The following PDCD2L variants were observed in gnomAD, a reference collection of about 807,000 sequenced individuals.
PDCD2L encodes programmed cell death 2 like, also known as uS5 assembly chaperone PDCD2L.
PDCD2L carries 44 observed loss-of-function variants against 40.4 expected under a neutral mutation model. The ratio of observed to expected loss-of-function variants is 1.09; its 90% CI spans 0.86 to 1.40. The LOEUF is 1.40. PDCD2L is among the 40% of genes most tolerant of loss of function. PDCD2L has a pLI of 0.00. For missense variants in PDCD2L, 470 were observed against 453.7 expected, an observed-to-expected ratio of 1.04 and a Z score of -0.33; for synonymous variants, 194 against 174.6, an observed-to-expected ratio of 1.11 and a Z score of -0.88.
At chr19:34,413,099 C>T (rs998952939) in intron 4 of PDCD2L, among the ~76,000 whole-genome samples, 1 of 151,676 alleles carries the variant, frequency 6.6e-6, no homozygotes, top group Non-Finnish European at 1.5e-5. Context: ...AGTGCAATAG[C>T]GCAATCTTGG....
At chr19:34,420,099 C>T (rs934860406) in intron 5 of PDCD2L, among the ~76,000 whole-genome samples, 6 of 152,050 alleles carry the variant, frequency 3.9e-5, no homozygotes, top group South Asian at 2.1e-4. Context: ...ATTCTGCAGC[C>T]GCGGCCTCAG....
chr19:34,410,457 G>T (rs1040405738), intron 4 of PDCD2L, among the ~76,000 whole-genome samples: 1 of 152,034 alleles, frequency 6.6e-6, no homozygotes, highest in Non-Finnish European at 1.5e-5. Flanking sequence ...TCACTATGTT[G>T]GTCAGGCTGG....
intron 5 of PDCD2L, among the ~76,000 whole-genome samples, chr19:34,420,035 A>G (rs535179398): frequency 6.6e-6 from 1 of 151,892 alleles, no homozygotes; most frequent in Non-Finnish European, 1.5e-5. Context: ...TCCAGGCTGG[A>G]GTGCAGTGGA....
chr19:34,425,444 A>G (rs2075172782), intron 6 of PDCD2L, among the ~76,000 whole-genome samples: 1 of 151,524 alleles, frequency 6.6e-6, no homozygotes, highest in Admixed American at 6.6e-5. Context: ...CTGGGACTAC[A>G]GGTGTGCACC....
At chr19:34,418,163 T>G (rs984377731) in intron 5 of PDCD2L, among the ~76,000 whole-genome samples, 5 of 152,224 alleles carry the variant, frequency 3.3e-5, no homozygotes, top group Non-Finnish European at 7.3e-5. Flanking sequence ...ACTGCGTATA[T>G]TTTTACAGTG....
At chr19:34,413,948 G>A in intron 5 of PDCD2L, 101 bp downstream of exon 5, 1 of 715,306 alleles carries the variant, frequency 1.4e-6, no homozygotes. Context: ...AAAACCTACA[G>A]TATTCCCCAA....
intron 3 of PDCD2L, 154 bp from the exon 4 acceptor site, chr19:34,409,007 A>C (rs1250831725): frequency 1.5e-6 from 1 of 652,540 alleles, no homozygotes; most frequent in East Asian, 2.7e-5. Flanking sequence ...TTTTGAGTAC[A>C]TAGGGTCTAG....
chr19:34,417,619 G>A (rs10402099), intron 5 of PDCD2L, among the ~76,000 whole-genome samples: 3,555 of 123,858 alleles, frequency 0.029, 55 homozygotes, highest in Non-Finnish European at 0.039. Flanking sequence ...AAAAAAAAAA[G>A]AAAAAAAAAG....
intron 3 of PDCD2L, 75 bp downstream of exon 3, chr19:34,405,065 C>G (rs990647001): frequency 3.3e-6 from 5 of 1,515,560 alleles, no homozygotes; most frequent in Non-Finnish European, 4.5e-6. Flanking sequence ...TTGGGGCAGA[C>G]TTTAAAGCCG....
intron 5 of PDCD2L, among the ~76,000 whole-genome samples, chr19:34,420,275 G>T (rs2075144536): frequency 6.6e-6 from 1 of 150,508 alleles, no homozygotes; most frequent in Admixed American, 6.6e-5. Flanking sequence ...ACAGGCCTGA[G>T]CCACGGTACC....
intron 4 of PDCD2L, among the ~76,000 whole-genome samples, chr19:34,412,339 TACTC>T (rs902327952): frequency 3.9e-5 from 6 of 152,118 alleles, no homozygotes; most frequent in African/African-American, 1.4e-4. Context: ...TGTAAATAAT[TACTC>T]AAGAGTTGAA....
At chr19:34,415,757 A>C (rs1007693428) in intron 5 of PDCD2L, among the ~76,000 whole-genome samples, 1 of 152,186 alleles carries the variant, frequency 6.6e-6, no homozygotes, top group African/African-American at 2.4e-5. Context: ...ATATCCATAA[A>C]TGTCTAGTAG....
Position 34,409,188 on chromosome 19 carries a change from G to T in PDCD2L, c.364G>T (p.Asp122Tyr), listed in dbSNP as rs1460471901. The T allele has an allele frequency of 1.9e-6, 3 of 1,613,302 alleles. No homozygotes were observed. The African/African-American group carries it at 4.0e-5, about 22-fold the overall frequency. The change falls in exon 4 of 7, where the codon GAC (aspartate) becomes TAC (tyrosine). Residue 122 changes from aspartate to tyrosine, a missense_variant. By Grantham distance (160) the Asp-to-Tyr change is radical (BLOSUM62 -3). Coordinates refer to ENST00000246535, the MANE Select transcript of PDCD2L (RefSeq NM_032346.2). ...ACAGGGAAACAGCCTTGCAGCTGAG[G>T]ACTGGTGTGAAGGTGCTGATGACTG... is the stretch of plus-strand genomic sequence containing the variant. ...QKQGNSLAAEDWCEGADDWGS... is the reference protein window; with the variant it reads ...QKQGNSLAAEYWCEGADDWGS...
intron 5 of PDCD2L, among the ~76,000 whole-genome samples, chr19:34,416,307 C>A (rs2075126259): frequency 6.6e-6 from 1 of 152,136 alleles, no homozygotes; most frequent in Non-Finnish European, 1.5e-5. Context: ...ATGGTGGACC[C>A]AGCTGTTGGC....
At chr19:34,421,900 C>T in intron 6 of PDCD2L, 1 of 342,658 alleles carries the variant, frequency 2.9e-6, no homozygotes, top group East Asian at 6.7e-5. Flanking sequence ...CCATCCTGGC[C>T]AATGTGGTGA....
chr19:34,424,204 T>C (rs774547886), intron 6 of PDCD2L, among the ~76,000 whole-genome samples: 2 of 152,156 alleles, frequency 1.3e-5, no homozygotes, highest in African/African-American at 2.4e-5. Flanking sequence ...TTTTCACTCA[T>C]ATAGAAATGT....
At chr19:34,406,031 A>C (rs147008399) in intron 3 of PDCD2L, among the ~76,000 whole-genome samples, 1 of 152,096 alleles carries the variant, frequency 6.6e-6, no homozygotes, top group African/African-American at 2.4e-5. Context: ...AGTGCCAGCT[A>C]CTCAGGAGGC....
intron 5 of PDCD2L, among the ~76,000 whole-genome samples, chr19:34,418,795 T>C (rs1198525678): frequency 6.6e-6 from 1 of 152,238 alleles, no homozygotes; most frequent in Admixed American, 6.5e-5. Context: ...TGTTCAGTTT[T>C]TAATTTTAGC....
intron 6 of PDCD2L, among the ~76,000 whole-genome samples, chr19:34,425,342 C>G (rs2075172286): frequency 6.7e-6 from 1 of 150,104 alleles, no homozygotes; most frequent in African/African-American, 2.5e-5. Context: ...GCTCTATCAC[C>G]CGGGCCAGAG....
Sources: gnomAD v4.1 joint callset for allele counts (sites outside exome capture counted in the v4.1 genomes callset) on GRCh38, gnomAD v4.1.1 for gene constraint, MANE v1.5 for transcripts, NCBI Gene and HGNC (gene_info 2026-07-23, HGNC 2026-07-21) for gene names.